Variants in FHIT observed in about 807,000 individuals in gnomAD.
FHIT encodes the protein fragile histidine triad diadenosine triphosphatase, also known as bis(5'-adenosyl)-triphosphatase.
Under a neutral mutation model 17.9 loss-of-function variants are expected in FHIT, and 19 were observed. That is an observed-to-expected ratio of 1.06 (90% confidence interval 0.74 to 1.56). The LOEUF is 1.56. FHIT is among the 40% of genes most tolerant of loss of function. The pLI is 0.00. For synonymous variants in FHIT, 81 were observed against 69.7 expected, an observed-to-expected ratio of 1.16 and a Z score of -0.81; for missense variants, 248 against 189.2, an observed-to-expected ratio of 1.31 and a Z score of -1.82.
intron 5 of FHIT, among the ~76,000 whole-genome samples, chr3:60,195,525 A>G (rs527754218): frequency 7.1e-4 from 104 of 146,686 alleles, no homozygotes; most frequent in Non-Finnish European, 8.7e-4. Flanking sequence ...CCATAAACCA[A>G]TAAGCGGATA....
intron 5 of FHIT, among the ~76,000 whole-genome samples, chr3:60,349,650 G>T (rs73107024): frequency 0.15 from 22,459 of 152,012 alleles, 1,760 homozygotes; most frequent in Non-Finnish European, 0.17. Flanking sequence ...ATTAATAAAC[G>T]TATATATAAG....
At position 59,926,531 on chromosome 3, in the gene FHIT, G is replaced by A. The variant is rs570626237; in HGVS notation, c.280-4117C>T. On this transcript the variant is annotated intron_variant, in intron 7 of 9. Coordinates refer to ENST00000492590, the MANE Select transcript of FHIT (RefSeq NM_002012.4). ...ATACTGAGCACTGGGCCACTCTAACGTTTGAAGTTTGGGAAGAGAAGCAGG... is the reference window on the plus strand; with the variant it reads ...ATACTGAGCACTGGGCCACTCTAACATTTGAAGTTTGGGAAGAGAAGCAGG... Among the ~76,000 whole-genome samples the A allele has an allele frequency of 4.7e-4, 71 of 152,264 alleles. 1 individual carries two copies. The highest frequency in any genetic ancestry group is 8.5e-4 in the Non-Finnish European group (58 of 68,014).
At chr3:60,202,911 T>A (rs1427148001) in intron 5 of FHIT, among the ~76,000 whole-genome samples, 1 of 152,140 alleles carries the variant, frequency 6.6e-6, no homozygotes, top group African/African-American at 2.4e-5. Flanking sequence ...CATGCCCTAC[T>A]TTGTCTATGA....
intron 5 of FHIT, among the ~76,000 whole-genome samples, chr3:60,172,480 TAGTC>T (rs1190703958): frequency 1.3e-5 from 2 of 151,760 alleles, no homozygotes; most frequent in Non-Finnish European, 2.9e-5. Context: ...TTCTCCATGT[TAGTC>T]AGGCTGGTCT....
chr3:60,015,557 C>T (rs1292878493), intron 5 of FHIT, among the ~76,000 whole-genome samples: 2 of 152,118 alleles, frequency 1.3e-5, no homozygotes, highest in Non-Finnish European at 2.9e-5. Context: ...GCCTCCACTC[C>T]CACGAAGCTG....
At chr3:60,884,082 C>T (rs1423062333) in intron 3 of FHIT, among the ~76,000 whole-genome samples, 1 of 152,118 alleles carries the variant, frequency 6.6e-6, no homozygotes, top group Non-Finnish European at 1.5e-5. Context: ...TAAAAGGAGA[C>T]ATACAAATGG....
At chr3:60,459,277 T>C (rs1485516904) in intron 5 of FHIT, among the ~76,000 whole-genome samples, 1 of 152,184 alleles carries the variant, frequency 6.6e-6, no homozygotes, top group Admixed American at 6.5e-5. Flanking sequence ...CCAAGGTGAT[T>C]CTAATAATGA....
chr3:60,834,139 T>A (rs1024184854), intron 3 of FHIT, among the ~76,000 whole-genome samples: 5 of 152,216 alleles, frequency 3.3e-5, no homozygotes, highest in African/African-American at 4.8e-5. Flanking sequence ...TTACTTGGGA[T>A]AAATGCCCAG....
At chr3:60,699,843 A>G (rs1473433693) in intron 4 of FHIT, among the ~76,000 whole-genome samples, 27 of 152,042 alleles carry the variant, frequency 1.8e-4, no homozygotes, top group Admixed American at 1.4e-3. Flanking sequence ...ATAACAAATT[A>G]AACAAAAATG....
At chr3:60,788,736 A>T (rs1700670203) in intron 4 of FHIT, among the ~76,000 whole-genome samples, 1 of 152,216 alleles carries the variant, frequency 6.6e-6, no homozygotes, top group South Asian at 2.1e-4. Context: ...CTTCATGCAA[A>T]TAAATACATG....
intron 8 of FHIT, among the ~76,000 whole-genome samples, chr3:59,764,807 A>ATAAT (rs1188776153): frequency 7.2e-6 from 1 of 138,598 alleles, no homozygotes; most frequent in African/African-American, 2.6e-5. Flanking sequence ...TATATGCCCT[A>ATAAT]TAATTGACCA....
intron 2 of FHIT, among the ~76,000 whole-genome samples, chr3:61,063,815 A>C (rs2034512485): frequency 6.6e-6 from 1 of 152,228 alleles, no homozygotes; most frequent in African/African-American, 2.4e-5. Flanking sequence ...AGAAGAAAAA[A>C]AATCCAATTT....
At chr3:60,923,695 G>A (rs1707411057) in intron 3 of FHIT, among the ~76,000 whole-genome samples, 1 of 152,100 alleles carries the variant, frequency 6.6e-6, no homozygotes, top group Non-Finnish European at 1.5e-5. Flanking sequence ...TCACTGAGGA[G>A]TGTCGGACAG....
At chr3:60,867,311 A>G (rs1403353306) in intron 3 of FHIT, among the ~76,000 whole-genome samples, 2 of 152,214 alleles carry the variant, frequency 1.3e-5, no homozygotes, top group African/African-American at 2.4e-5. Context: ...GTGTACTCAT[A>G]AGCAAATATA....
Position 60,734,400 on chromosome 3 carries a change from A to G in FHIT, c.-18+87519T>C, listed in dbSNP as rs549060084. The stretch of plus-strand genomic sequence containing the variant: ...TGCATCTCAGTCTCTCTATATTTTA[A>G]TTTATTTATTGTTTTGAGACAGGGT... On this transcript the variant is annotated intron_variant, in intron 4 of 9. Transcript: ENST00000492590. Among the ~76,000 whole-genome samples the G allele has an allele frequency of 3.3e-5, 5 of 152,272 alleles. No homozygotes were observed. In the South Asian group the frequency reaches 1.0e-3, roughly 32 times the overall value.
At chr3:60,699,706 A>AAG (rs2041196224) in intron 4 of FHIT, among the ~76,000 whole-genome samples, 1 of 121,646 alleles carries the variant, frequency 8.2e-6, no homozygotes, top group Admixed American at 7.5e-5. Context: ...AAATTAAAAA[A>AAG]AAAAGCATTA....
Position 60,891,251 on chromosome 3 carries a change from A to G in FHIT, c.-110-69240T>C, listed in dbSNP as rs111594795. Among the ~76,000 whole-genome samples the G allele has an allele frequency of 2.3e-3, 350 of 152,214 alleles. 1 individual carries two copies. Among genetic ancestry groups the G allele is most frequent in the Middle Eastern group, 6.8e-3 (2 of 294 alleles). On this transcript the variant is annotated intron_variant, in intron 3 of 9. Transcript: ENST00000492590. The stretch of plus-strand genomic sequence containing the variant: ...CGTGCACCCATCTTCTTTTACCAGC[A>G]ACCCAATTTTCTGAAAAACTACTCC...
intron 3 of FHIT, among the ~76,000 whole-genome samples, chr3:61,027,065 T>C (rs1045485557): frequency 6.6e-6 from 1 of 152,038 alleles, no homozygotes; most frequent in African/African-American, 2.4e-5. Context: ...TAAATAAATA[T>C]ATGAAGCTCG....
intron 7 of FHIT, among the ~76,000 whole-genome samples, chr3:59,940,890 T>C (rs1401960630): frequency 6.6e-6 from 1 of 152,106 alleles, no homozygotes; most frequent in Non-Finnish European, 1.5e-5. Context: ...AAGTGTTACT[T>C]CCATAGAGAG....
Sources: gnomAD v4.1 joint callset for allele counts (sites outside exome capture counted in the v4.1 genomes callset) on GRCh38, gnomAD v4.1.1 for gene constraint, MANE v1.5 for transcripts, NCBI Gene and HGNC (gene_info 2026-07-23, HGNC 2026-07-21) for gene names.